The following ALDH1L1 variants were observed in gnomAD, a reference collection of about 807,000 sequenced individuals.
The protein encoded by ALDH1L1 is aldehyde dehydrogenase 1 family member L1.
In ALDH1L1, 68 loss-of-function variants were observed where a neutral mutation model predicts 101.1. That is an observed-to-expected ratio of 0.67 (90% CI 0.55 to 0.82). The LOEUF is 0.82. ALDH1L1 is among the 40% of genes least tolerant of loss of function. The probability of loss-of-function intolerance (pLI) is 0.00; values close to 1 mark genes in which losing one functional copy is unlikely to be tolerated. For missense variants in ALDH1L1, 1,087 were observed against 1,172.7 expected, an observed-to-expected ratio of 0.93 and a Z score of 1.07; for synonymous variants, 486 against 470.8, an observed-to-expected ratio of 1.03 and a Z score of -0.42.
intron 1 of ALDH1L1, among the ~76,000 whole-genome samples, chr3:126,193,746 A>T (rs1178161193): frequency 6.6e-6 from 1 of 152,252 alleles, no homozygotes; most frequent in Non-Finnish European, 1.5e-5. Context: ...CATAATAGGC[A>T]ATTTGAAGTA....
In ALDH1L1 at chr3:126,103,607, C is replaced by T. The variant is rs976768050; in HGVS notation, c.*184G>A. 3.2e-6 allele frequency: 2 copies of T among 627,232 alleles called. No homozygotes were observed. The highest frequency in any genetic ancestry group is 5.6e-6 in the Non-Finnish European group (2 of 357,614). 38.9% of individuals were successfully genotyped at this position (627,232 alleles called of 1,614,324 possible). Reference sequence around the variant, plus strand: ...AGCTTTATTCTCCCTGGGAGGGGCACACCTCACCCAGCCAAGGGCTGCTTC... The same window carrying T: ...AGCTTTATTCTCCCTGGGAGGGGCATACCTCACCCAGCCAAGGGCTGCTTC... On this transcript the variant is annotated 3_prime_UTR_variant, in exon 23 of 23. Coordinates refer to ENST00000393434, the MANE Select transcript of ALDH1L1 (RefSeq NM_012190.4).
At chr3:126,197,502 A>T (rs1183649449) in intron 1 of ALDH1L1, among the ~76,000 whole-genome samples, 1 of 152,204 alleles carries the variant, frequency 6.6e-6, no homozygotes, top group Non-Finnish European at 1.5e-5. Context: ...ACCCAGTCAG[A>T]TGTAAGAGTC....
chr3:126,112,053 T>C (rs1238144340), intron 19 of ALDH1L1, among the ~76,000 whole-genome samples: 1 of 152,112 alleles, frequency 6.6e-6, no homozygotes, highest in Non-Finnish European at 1.5e-5. Flanking sequence ...CCGAGCTGCT[T>C]GGAGAGGATG....
At chr3:126,173,769 T>C (rs1382544741) in intron 1 of ALDH1L1, among the ~76,000 whole-genome samples, 2 of 152,214 alleles carry the variant, frequency 1.3e-5, no homozygotes, top group African/African-American at 4.8e-5. Flanking sequence ...AGATATACCG[T>C]GCTACCACTA....
At chr3:126,194,305 C>A (rs73859033) in intron 1 of ALDH1L1, among the ~76,000 whole-genome samples, 2,741 of 152,250 alleles carry the variant, frequency 0.018, 84 homozygotes, top group African/African-American at 0.063. Flanking sequence ...TTTGACAAGG[C>A]TTCCTATGTA....
At chr3:126,147,843 G>A (rs899579533) in intron 8 of ALDH1L1, among the ~76,000 whole-genome samples, 11 of 152,072 alleles carry the variant, frequency 7.2e-5, no homozygotes, top group African/African-American at 2.7e-4. Context: ...CATCCTCAGG[G>A]CGAGCATCAA....
intron 1 of ALDH1L1, among the ~76,000 whole-genome samples, chr3:126,190,489 G>C (rs1345189617): frequency 6.6e-6 from 1 of 152,162 alleles, no homozygotes; most frequent in Non-Finnish European, 1.5e-5. Context: ...CACACTTCAC[G>C]CTGAATTTAC....
At chr3:126,172,367 CAG>C (rs140634403) in intron 1 of ALDH1L1, among the ~76,000 whole-genome samples, 3,614 of 151,678 alleles carry the variant, frequency 0.024, 63 homozygotes, top group Non-Finnish European at 0.034. Context: ...GTCATGTAAG[CAG>C]AGAGATGGAA....
chr3:126,117,995 A>C lies in ALDH1L1; in HGVS notation c.1982+10T>G. The C allele has an allele frequency of 6.2e-7, 1 of 1,610,938 alleles. No individual in the cohort carries two copies. The highest frequency in any genetic ancestry group is 8.5e-7 in the Non-Finnish European group (1 of 1,178,558). The stretch of plus-strand genomic sequence containing the variant: ...GCAGCCCCTCCTCTGCTCCACCCCC[A>C]GCCACGCACCTTTTCATGATGTGCT... On this transcript the variant is annotated intron_variant, in intron 17 of 22. Coordinates refer to ENST00000393434, the MANE Select transcript of ALDH1L1 (RefSeq NM_012190.4).
At chr3:126,120,556 C>T (rs534411254) in intron 16 of ALDH1L1, among the ~76,000 whole-genome samples, 136 of 152,306 alleles carry the variant, frequency 8.9e-4, no homozygotes, top group Non-Finnish European at 1.8e-3. Flanking sequence ...GTTGTCAAAA[C>T]CCATGGAATG....
chr3:126,169,971 G>A (rs62266678), intron 1 of ALDH1L1, among the ~76,000 whole-genome samples: 1 of 151,966 alleles, frequency 6.6e-6, no homozygotes, highest in Non-Finnish European at 1.5e-5. Context: ...ATCCGTTACA[G>A]AAATCAACTC....
chr3:126,180,656 T>C, upstream of ALDH1L1: 1 of 1,321,176 alleles, frequency 7.6e-7, no homozygotes, highest in Non-Finnish European at 9.7e-7. Flanking sequence ...GGGCGGAGAG[T>C]CAGCCGAGTG....
chr3:126,123,773 G>A (rs1339370522), intron 16 of ALDH1L1, among the ~76,000 whole-genome samples: 2 of 151,850 alleles, frequency 1.3e-5, no homozygotes, highest in African/African-American at 2.4e-5. Context: ...GTGGAGGATG[G>A]AGACAAACAA....
chr3:126,190,274 G>A (rs1409447348), intron 1 of ALDH1L1, among the ~76,000 whole-genome samples: 1 of 152,182 alleles, frequency 6.6e-6, no homozygotes, highest in Non-Finnish European at 1.5e-5. Context: ...TACACCACCT[G>A]AAGCTTTCAT....
intron 1 of ALDH1L1, among the ~76,000 whole-genome samples, chr3:126,166,185 TC>T (rs533558978): frequency 7.4e-4 from 112 of 152,330 alleles, no homozygotes; most frequent in Middle Eastern, 3.4e-3. Flanking sequence ...CAAAAACTGC[TC>T]CAACCAGTCA....
At chr3:126,131,357 C>T in intron 13 of ALDH1L1, 27 bp downstream of exon 13, 2 of 1,567,108 alleles carry the variant, frequency 1.3e-6, no homozygotes, top group South Asian at 2.3e-5. Flanking sequence ...TGCATGTGCT[C>T]ACACTGGGTG....
chr3:126,181,072 C>A (rs2081468625), upstream of ALDH1L1: 1 of 1,445,488 alleles, frequency 6.9e-7, no homozygotes, highest in Admixed American at 2.0e-5. Flanking sequence ...TGGATAGCGG[C>A]GCTTCTGCCC....
chr3:126,184,201 T>G (rs549266282), upstream of ALDH1L1, among the ~76,000 whole-genome samples: 36 of 152,202 alleles, frequency 2.4e-4, no homozygotes, highest in Non-Finnish European at 5.0e-4. Context: ...TGATACTCTC[T>G]GAACGAGTCC....
At chr3:126,107,077 A>T (rs1157051927) in intron 21 of ALDH1L1, 64 bp downstream of exon 21, 2 of 1,458,916 alleles carry the variant, frequency 1.4e-6, no homozygotes, top group African/African-American at 2.8e-5. Context: ...CAAAGCCCAC[A>T]TGAAGACCCC....
Sources: allele counts gnomAD v4.1 joint callset (sites outside exome capture counted in the v4.1 genomes callset), GRCh38; gene constraint gnomAD v4.1.1; transcripts MANE v1.5; gene names NCBI Gene and HGNC (gene_info 2026-07-23, HGNC 2026-07-21).